Variants in LRBA observed in about 807,000 individuals in gnomAD.
LRBA encodes the protein LPS responsive beige-like anchor protein, also known as lipopolysaccharide-responsive and beige-like anchor protein.
LRBA carries 176 observed loss-of-function variants against 330.0 expected under a neutral mutation model. The ratio of observed to expected loss-of-function variants is 0.53; its 90% confidence interval spans 0.47 to 0.60. The LOEUF (loss-of-function observed/expected upper bound fraction) is 0.60, where lower values mean the gene tolerates loss of function less well. LRBA is among the 20% of genes least tolerant of loss of function. The pLI, the probability that LRBA is intolerant of heterozygous loss-of-function variation, is 0.00. For missense variants in LRBA, 3,259 were observed against 3,444.8 expected (o/e 0.95, Z 1.35); for synonymous variants, 1,230 against 1,193.0 (o/e 1.03, Z -0.64).
intron 48 of LRBA, among the ~76,000 whole-genome samples, chr4:150,348,301 A>G (rs903406538): frequency 2.0e-5 from 3 of 152,198 alleles, no homozygotes; most frequent in Non-Finnish European, 4.4e-5. Flanking sequence ...GCCAAGTGAC[A>G]TTTTTAATCA....
At chr4:150,480,812 T>C (rs1046107916) in intron 42 of LRBA, among the ~76,000 whole-genome samples, 11 of 152,200 alleles carry the variant, frequency 7.2e-5, no homozygotes, top group African/African-American at 2.7e-4. Context: ...ACCCATTATC[T>C]AAAACATTTA....
At chr4:150,464,686 T>A (rs1755216816) in intron 44 of LRBA, among the ~76,000 whole-genome samples, 1 of 152,084 alleles carries the variant, frequency 6.6e-6, no homozygotes, top group African/African-American at 2.4e-5. Context: ...AGCTGGCAGG[T>A]CAGCTGAGGA....
intron 47 of LRBA, among the ~76,000 whole-genome samples, chr4:150,405,277 A>G (rs1362867020): frequency 6.6e-6 from 1 of 152,246 alleles, no homozygotes; most frequent in Admixed American, 6.5e-5. Flanking sequence ...GGAATATTCA[A>G]TTGTTAGTAA....
intron 40 of LRBA, among the ~76,000 whole-genome samples, chr4:150,559,776 AT>A (rs1439253456): frequency 2.3e-5 from 2 of 86,000 alleles, no homozygotes; most frequent in Non-Finnish European, 4.1e-5. Context: ...TATATATATT[AT>A]ATTATATTAT....
intron 37 of LRBA, among the ~76,000 whole-genome samples, chr4:150,669,642 T>C (rs1017259649): frequency 2.0e-5 from 3 of 152,042 alleles, no homozygotes; most frequent in African/African-American, 7.2e-5. Context: ...TTCAGCTCAC[T>C]GCAATCTCCA....
intron 37 of LRBA, among the ~76,000 whole-genome samples, chr4:150,618,263 T>C (rs1775962566): frequency 6.6e-6 from 1 of 152,214 alleles, no homozygotes; most frequent in Non-Finnish European, 1.5e-5. Flanking sequence ...CGGCTAGGGA[T>C]ATAGCATGGG....
chr4:150,273,842 C>T (rs1746436226), intron 56 of LRBA, among the ~76,000 whole-genome samples: 2 of 152,134 alleles, frequency 1.3e-5, no homozygotes, highest in South Asian at 4.1e-4. Flanking sequence ...GAGACTTAGA[C>T]TCCCACACAA....
chr4:150,775,805 G>GAAAAAAAAAAAAA (rs35161747), intron 34 of LRBA, among the ~76,000 whole-genome samples: 15 of 59,980 alleles, frequency 2.5e-4, no homozygotes, highest in Non-Finnish European at 3.2e-4. Flanking sequence ...AAGAAAGAAT[G>GAAAAAAAAAAAAA]AAAAAAAAAA....
At chr4:150,340,338 C>G (rs951140432) in intron 48 of LRBA, among the ~76,000 whole-genome samples, 2 of 152,166 alleles carry the variant, frequency 1.3e-5, no homozygotes, top group African/African-American at 4.8e-5. Flanking sequence ...ATAATTGATA[C>G]AGATTGCTAT....
chr4:150,386,141 T>G (rs574828879), intron 47 of LRBA, among the ~76,000 whole-genome samples: 1 of 152,214 alleles, frequency 6.6e-6, no homozygotes, highest in South Asian at 2.1e-4. Context: ...AAGATACATG[T>G]AAGATATTCT....
chr4:150,335,434 T>C (rs1734535170), intron 48 of LRBA, among the ~76,000 whole-genome samples: 2 of 149,118 alleles, frequency 1.3e-5, no homozygotes, highest in African/African-American at 4.9e-5. Context: ...TATATACATA[T>C]ATATATACAC....
chr4:150,290,340 CAA>C (rs897373905), intron 53 of LRBA, among the ~76,000 whole-genome samples: 4 of 152,080 alleles, frequency 2.6e-5, no homozygotes, highest in Non-Finnish European at 5.9e-5. Context: ...TGAAAAATAT[CAA>C]GTTAATTCTT....
At chr4:150,373,168 T>TGAGAGAGA (rs1367151216) in intron 47 of LRBA, among the ~76,000 whole-genome samples, 50 of 111,530 alleles carry the variant, frequency 4.5e-4, no homozygotes, top group African/African-American at 1.5e-3. Flanking sequence ...TGTGTGTGTG[T>TGAGAGAGA]GTGTGAGAGA....
At chr4:150,575,742 G>T (rs1770457912) in intron 40 of LRBA, among the ~76,000 whole-genome samples, 1 of 151,876 alleles carries the variant, frequency 6.6e-6, no homozygotes, top group African/African-American at 2.4e-5. Flanking sequence ...AAGTAGAAAG[G>T]GAGTGGGGAT....
At chr4:150,328,302 A>G (rs1733552810) in intron 48 of LRBA, among the ~76,000 whole-genome samples, 1 of 152,184 alleles carries the variant, frequency 6.6e-6, no homozygotes, top group African/African-American at 2.4e-5. Flanking sequence ...CTAGGTCAGT[A>G]TGTCCAATGT....
chr4:150,767,659 G>A (rs2126507286), intron 34 of LRBA, among the ~76,000 whole-genome samples: 1 of 151,450 alleles, frequency 6.6e-6, no homozygotes, highest in East Asian at 2.0e-4. Flanking sequence ...TCAGGAGGCT[G>A]AGGCAGGAGA....
At position 150,351,151 on chromosome 4, in the gene LRBA, C is replaced by A. The variant is rs143952279; in HGVS notation, c.7195-992G>T. Among the ~76,000 whole-genome samples the A allele has an allele frequency of 8.0e-3, 1,211 of 152,258 alleles. 19 individuals carry two copies. Among genetic ancestry groups the A allele is most frequent in the African/African-American group, 0.028 (1,152 of 41,542 alleles). The stretch of plus-strand genomic sequence containing the variant: ...CATTTCCTATCCATCATTATATTCC[C>A]AGCTACAAGCGTTGTGCCTAAAACA... On this transcript the variant is annotated intron_variant, in intron 47 of 56. Transcript: ENST00000651943.
chr4:150,615,956 C>T (rs1315879661), intron 37 of LRBA, among the ~76,000 whole-genome samples: 5 of 152,052 alleles, frequency 3.3e-5, no homozygotes, highest in Admixed American at 3.3e-4. Context: ...AAGCCAAGAA[C>T]TAAGGATAAT....
Position 151,003,885 on chromosome 4 carries a change from C to CTGTGTG in LRBA, c.216+10536_216+10541dup, listed in dbSNP as rs56025404. On this transcript the variant is annotated intron_variant, in intron 2 of 56. Coordinates refer to ENST00000651943, the MANE Select transcript of LRBA (RefSeq NM_001364905.1). The stretch of plus-strand genomic sequence containing the variant: ...GAATATGTGTATCTATAGCCAACTG[C>CTGTGTG]TGTGTGTGTGTGTGTGTGTGTGTGT... Among the ~76,000 whole-genome samples, 326 of 134,192 alleles carry CTGTGTG rather than the reference C, an allele frequency of 2.4e-3. 1 individual carries two copies. The highest frequency in any genetic ancestry group is 0.016 in the East Asian group (70 of 4,392). The allele number at this position is 134,192 out of a possible 152,430, so 88.0% of individuals were successfully genotyped here.
Sources: gnomAD v4.1 joint callset for allele counts (sites outside exome capture counted in the v4.1 genomes callset) on GRCh38, gnomAD v4.1.1 for gene constraint, MANE v1.5 for transcripts, NCBI Gene and HGNC (gene_info 2026-07-23, HGNC 2026-07-21) for gene names.